Variants in DGKK observed in about 807,000 individuals in gnomAD.
DGKK encodes 142 kDa diacylglycerol kinase.
A neutral mutation model predicts 92.2 loss-of-function variants in DGKK; 35 were observed. That is an observed-to-expected ratio of 0.38 (90% confidence interval 0.29 to 0.50). DGKK has a LOEUF of 0.50. DGKK is among the 20% of genes least tolerant of loss of function. DGKK has a pLI of 0.92. For missense variants in DGKK, 910 were observed against 992.2 expected (o/e 0.92, Z 1.11); for synonymous variants, 368 against 360.6 (o/e 1.02, Z -0.23).
chrX:50,395,659 T>C (rs1472002179), intron 8 of DGKK, among the ~76,000 whole-genome samples: 2 of 110,830 alleles, frequency 1.8e-5, no homozygotes, highest in Non-Finnish European at 3.8e-5. Context: ...TAGATGAAAA[T>C]GGACCTTTAA....
At chrX:50,418,053 C>A (rs782540685) in intron 4 of DGKK, among the ~76,000 whole-genome samples, 2 of 111,509 alleles carry the variant, frequency 1.8e-5, no homozygotes, top group African/African-American at 3.3e-5. Flanking sequence ...GGACCTCCCA[C>A]TGCCCCTAAT....
chrX:50,369,370 C>G (rs1259931874), intron 27 of DGKK, among the ~76,000 whole-genome samples: 1 of 111,642 alleles, frequency 9.0e-6, no homozygotes, highest in Non-Finnish European at 1.9e-5. Context: ...TCTCTCTTGG[C>G]ATTCGTGCAA....
At chrX:50,425,148 C>G (rs1557229577) in intron 1 of DGKK, among the ~76,000 whole-genome samples, 1 of 111,682 alleles carries the variant, frequency 9.0e-6, no homozygotes, top group African/African-American at 3.3e-5. Context: ...CAAATCCATA[C>G]TTAATGGACA....
intron 4 of DGKK, among the ~76,000 whole-genome samples, chrX:50,412,666 G>C (rs1175362345): frequency 8.9e-6 from 1 of 112,100 alleles, no homozygotes; most frequent in East Asian, 2.8e-4. Flanking sequence ...AATGAAACAG[G>C]GTAGGAAACC....
At position 50,447,426 on chromosome X, in the gene DGKK, ATT is replaced by A. The variant is rs201341498; in HGVS notation, c.645+22606_645+22607del. 1.1e-3 allele frequency among the ~76,000 whole-genome samples: 20 copies of A among 17,743 alleles called. 1 individual carries two copies. Among genetic ancestry groups the A allele is most frequent in the African/African-American group, 0.011 (14 of 1,289 alleles). 15.4% of individuals were successfully genotyped at this position (17,743 alleles called of 115,157 possible). On this transcript the variant is annotated intron_variant, in intron 1 of 27. Transcript: ENST00000611977. ...ATATATATAATATATATATATATAT[ATT>A]ATATATATATTTCACAGAAGTTGAG...
At chrX:50,408,790 G>A (rs1048952872) in intron 4 of DGKK, among the ~76,000 whole-genome samples, 4 of 112,060 alleles carry the variant, frequency 3.6e-5, no homozygotes, top group African/African-American at 1.3e-4. Flanking sequence ...AGATGGAGAG[G>A]AATATTGCTG....
At position 50,386,445 on chromosome X, in the gene DGKK, G is replaced by A. The variant is rs201585435; in HGVS notation, c.2260C>T (p.His754Tyr). The change falls in exon 15 of 28, where the codon CAC (histidine) becomes TAC (tyrosine). Residue 754 changes from histidine to tyrosine, a missense_variant. Physicochemically the swap from His to Tyr is moderately conservative, Grantham distance 83 (BLOSUM62 2). Coordinates refer to ENST00000611977, the MANE Select transcript of DGKK (RefSeq NM_001013742.4). ...DRKPFIPQID[H>Y]IAKCKLELAT... ...AGCTCCAACTTGCACTTGGCTATGT[G>A]GTCTATTTGAGGAATGAAGGGCTTC... 2.5e-5 allele frequency: 30 copies of A among 1,208,798 alleles called. No individual in the cohort carries two copies. In the East Asian group the frequency reaches 6.8e-4, roughly 28 times the overall value.
At chrX:50,373,483 G>A (rs782786386) in intron 25 of DGKK, among the ~76,000 whole-genome samples, 7 of 111,944 alleles carry the variant, frequency 6.3e-5, no homozygotes, top group Non-Finnish European at 1.1e-4. Flanking sequence ...GGAAAGTGGC[G>A]ACAAGAGACC....
At chrX:50,383,318 T>C (rs1924456794) in intron 17 of DGKK, among the ~76,000 whole-genome samples, 2 of 110,445 alleles carry the variant, frequency 1.8e-5, no homozygotes, top group Admixed American at 1.9e-4. Flanking sequence ...AGAGAGGAGG[T>C]TGTTAAACAC....
In DGKK at chrX:50,430,875, CAG is replaced by C. The variant is rs782491798; in HGVS notation, c.646-6519_646-6518del. Reference sequence around the variant, plus strand: ...AAATATCTTCTATAAAATATTTCAACAGAGTCTGTAAAGCAGCCCAATTTCCT... The same window carrying C: ...AAATATCTTCTATAAAATATTTCAACAGTCTGTAAAGCAGCCCAATTTCCT... On this transcript the variant is annotated intron_variant, in intron 1 of 27. Transcript: ENST00000611977. Among the ~76,000 whole-genome samples, 11 of 111,543 alleles carry C rather than the reference CAG, an allele frequency of 9.9e-5. No individual in the cohort carries two copies. The East Asian group carries it at 2.3e-3, about 23-fold the overall frequency.
chrX:50,434,007 C>T (rs1452754714), intron 1 of DGKK, among the ~76,000 whole-genome samples: 1 of 111,002 alleles, frequency 9.0e-6, no homozygotes, highest in African/African-American at 3.3e-5. Flanking sequence ...ATTCTTTTAC[C>T]TGACCATAAG....
At chrX:50,417,818 G>T (rs1925475701) in intron 4 of DGKK, among the ~76,000 whole-genome samples, 1 of 109,981 alleles carries the variant, frequency 9.1e-6, no homozygotes, top group African/African-American at 3.3e-5. Context: ...CTTCCCTTTT[G>T]AATCCATCCT....
intron 27 of DGKK, among the ~76,000 whole-genome samples, chrX:50,370,122 C>T (rs1924081476): frequency 8.9e-6 from 1 of 112,108 alleles, no homozygotes; most frequent in South Asian, 3.8e-4. Context: ...TTTAGATAGG[C>T]CACAGAACCT....
intron 1 of DGKK, among the ~76,000 whole-genome samples, chrX:50,431,097 T>A (rs1406154846): frequency 9.0e-6 from 1 of 110,644 alleles, no homozygotes; most frequent in Non-Finnish European, 1.9e-5. Flanking sequence ...AGTGGCGCAA[T>A]CATGACTCAC....
intron 1 of DGKK, among the ~76,000 whole-genome samples, chrX:50,459,734 T>C (rs1557233168): frequency 9.0e-6 from 1 of 111,144 alleles, no homozygotes; most frequent in Admixed American, 9.6e-5. Flanking sequence ...AGAGGTGAGG[T>C]AGGGAAGAAA....
chrX:50,462,715 A>G (rs781796373), intron 1 of DGKK, among the ~76,000 whole-genome samples: 2 of 108,095 alleles, frequency 1.9e-5, no homozygotes, highest in African/African-American at 3.4e-5. Flanking sequence ...CCATTAAAAA[A>G]TAGGTTTTGT....
chrX:50,374,028 G>C (rs1924206813), intron 25 of DGKK, among the ~76,000 whole-genome samples: 1 of 112,079 alleles, frequency 8.9e-6, no homozygotes, highest in South Asian at 3.7e-4. Flanking sequence ...CTATCTTGTA[G>C]ATATGGAAAC....
At chrX:50,394,011 G>C in intron 8 of DGKK, among the ~76,000 whole-genome samples, 1 of 112,170 alleles carries the variant, frequency 8.9e-6, no homozygotes, top group Non-Finnish European at 1.9e-5. Flanking sequence ...CTCCAATATT[G>C]TAGTTACCCA....
chrX:50,393,741 G>A (rs181424686), intron 8 of DGKK, among the ~76,000 whole-genome samples: 3 of 112,132 alleles, frequency 2.7e-5, no homozygotes, highest in African/African-American at 9.7e-5. Flanking sequence ...CCAGGAGGAA[G>A]ACCAGCACAC....
Sources: allele counts gnomAD v4.1 joint callset (sites outside exome capture counted in the v4.1 genomes callset), GRCh38; gene constraint gnomAD v4.1.1; transcripts MANE v1.5; gene names NCBI Gene and HGNC (gene_info 2026-07-23, HGNC 2026-07-21).